The following NXPE3 variants were observed in gnomAD, a reference collection of about 807,000 sequenced individuals.
NXPE3 encodes neurexophilin and PC-esterase domain family member 3, also known as NXPE family member 3.
A neutral mutation model predicts 46.1 loss-of-function variants in NXPE3; 26 were observed. The ratio of observed to expected loss-of-function variants is 0.56; its 90% CI spans 0.41 to 0.78. NXPE3 has a LOEUF of 0.78. Ranked by LOEUF, NXPE3 falls within the 30% of genes least tolerant of loss-of-function variation. The pLI, the probability that NXPE3 is intolerant of heterozygous loss-of-function variation, is 0.00. For missense variants in NXPE3, 620 were observed against 686.0 expected, an observed-to-expected ratio of 0.90 and a Z score of 1.07; for synonymous variants, 272 against 257.9, an observed-to-expected ratio of 1.05 and a Z score of -0.52.
At chr3:101,804,657 A>T (rs538351362) in intron 5 of NXPE3, among the ~76,000 whole-genome samples, 10 of 151,878 alleles carry the variant, frequency 6.6e-5, no homozygotes, top group South Asian at 6.2e-4. Context: ...TTGAGCTGAT[A>T]TCCTTTTTTA....
intron 7 of NXPE3, among the ~76,000 whole-genome samples, chr3:101,820,914 C>T (rs1942217746): frequency 6.6e-6 from 1 of 152,112 alleles, no homozygotes. Context: ...GACAAGGTAA[C>T]TATTGGGTAC....
At chr3:101,803,214 C>T (rs983104507) in intron 5 of NXPE3, among the ~76,000 whole-genome samples, 8 of 152,096 alleles carry the variant, frequency 5.3e-5, no homozygotes, top group Non-Finnish European at 1.0e-4. Context: ...CCACTCATTA[C>T]CGTATGGGAG....
At position 101,782,292 on chromosome 3, in the gene NXPE3, T is replaced by C. The variant is rs1184920566; in HGVS notation, c.-317+2T>C. The stretch of plus-strand genomic sequence containing the variant: ...CTTCTTGGAAAATTTCCAAAAAAGG[T>C]AAATTACATTGAATTATATATTTTT... On this transcript the variant is annotated splice_donor_variant, in intron 2 of 7. Transcript: ENST00000273347. LOFTEE classifies it low-confidence loss of function (5UTR_SPLICE). 6.6e-6 allele frequency: 1 copy of C among 152,206 alleles called. No individual in the cohort carries two copies. Among genetic ancestry groups the C allele is most frequent in the Non-Finnish European group, 1.5e-5 (1 of 68,036 alleles). The allele number at this position is 152,206 out of a possible 1,614,324, so 9.4% of individuals were successfully genotyped here. A position where few individuals can be genotyped will look rare whatever the true frequency, so the allele number is the denominator to read the frequency against.
At chr3:101,799,613 A>G (rs1207520154) in intron 4 of NXPE3, among the ~76,000 whole-genome samples, 12 of 151,768 alleles carry the variant, frequency 7.9e-5, no homozygotes, top group African/African-American at 2.9e-4. Context: ...TTTAGTAGAG[A>G]TGGGGTTTCA....
rs771097346 is a variant in NXPE3 at position 101,802,007 on chromosome 3, T to C, written c.848+18T>C. 2 of 1,567,012 alleles carry C rather than the reference T, an allele frequency of 1.3e-6. No homozygotes were observed. The highest frequency in any genetic ancestry group is 3.8e-5 in the Admixed American group (2 of 52,106). ...TTCCAGAGGTATGTACTGCTTTTTCTTGGGGATGATTTGAAGAGTTCTTTT... is the reference window on the plus strand; with the variant it reads ...TTCCAGAGGTATGTACTGCTTTTTCCTGGGGATGATTTGAAGAGTTCTTTT... On this transcript the variant is annotated intron_variant, in intron 5 of 7. Coordinates refer to ENST00000273347, the MANE Select transcript of NXPE3 (RefSeq NM_145037.4).
rs1281262231 is a variant in NXPE3 at position 101,794,327 on chromosome 3, T to C, written c.94-6908T>C. 5.3e-5 allele frequency among the ~76,000 whole-genome samples: 8 copies of C among 152,180 alleles called. No homozygotes were observed. In the East Asian group the frequency reaches 1.5e-3, roughly 29 times the overall value. Reference sequence around the variant, plus strand: ...GTATATTGTGAGTATTCTTGTTATTTTATTAACTACATAGGAGGAGCCGTG... The same window carrying C: ...GTATATTGTGAGTATTCTTGTTATTCTATTAACTACATAGGAGGAGCCGTG... On this transcript the variant is annotated intron_variant, in intron 4 of 7. Transcript: ENST00000273347.
chr3:101,804,240 A>G (rs576374688), intron 5 of NXPE3, among the ~76,000 whole-genome samples: 3 of 152,356 alleles, frequency 2.0e-5, no homozygotes, highest in African/African-American at 7.2e-5. Flanking sequence ...AAATAGAGAA[A>G]GTTTAGAGAA....
intron 4 of NXPE3, among the ~76,000 whole-genome samples, chr3:101,793,405 A>AT (rs1940627502): frequency 6.6e-6 from 1 of 152,222 alleles, no homozygotes; most frequent in Admixed American, 6.5e-5. Flanking sequence ...TATTTAAAAC[A>AT]GGTTTCTTCT....
At chr3:101,818,107 A>G (rs1942049178) in intron 7 of NXPE3, among the ~76,000 whole-genome samples, 6 of 151,886 alleles carry the variant, frequency 4.0e-5, no homozygotes, top group Admixed American at 3.3e-4. Context: ...TGCTCAGGCT[A>G]GTCTCGAATT....
chr3:101,794,953 G>A (rs1053496235), intron 4 of NXPE3, among the ~76,000 whole-genome samples: 2 of 152,168 alleles, frequency 1.3e-5, no homozygotes, highest in African/African-American at 2.4e-5. Context: ...AATCAGATGC[G>A]TCTTTTAGTG....
intron 4 of NXPE3, among the ~76,000 whole-genome samples, chr3:101,787,258 C>CT (rs1940243841): frequency 6.6e-6 from 1 of 152,182 alleles, no homozygotes; most frequent in African/African-American, 2.4e-5. Context: ...CTTGACAACT[C>CT]TAAGTACCTT....
chr3:101,798,197 G>A (rs1223543067), intron 4 of NXPE3, among the ~76,000 whole-genome samples: 1 of 151,876 alleles, frequency 6.6e-6, no homozygotes, highest in African/African-American at 2.4e-5. Context: ...ATTTTTTCAT[G>A]TGTTTTTTGG....
chr3:101,784,236 C>A (rs1171975221), intron 3 of NXPE3, among the ~76,000 whole-genome samples: 3 of 151,880 alleles, frequency 2.0e-5, no homozygotes, highest in Non-Finnish European at 4.4e-5. Flanking sequence ...AAAATACAGT[C>A]ATAATTGGTA....
At chr3:101,813,446 T>G (rs1941816319) in intron 6 of NXPE3, among the ~76,000 whole-genome samples, 1 of 152,224 alleles carries the variant, frequency 6.6e-6, no homozygotes, top group African/African-American at 2.4e-5. Context: ...TTTTTCTCTT[T>G]CGTTTTGTTC....
rs1939663925 is a variant in NXPE3 at position 101,779,262 on chromosome 3, G to GCGAC, written c.-553_-550dup. The GCGAC allele has an allele frequency of 6.6e-6, 1 of 152,428 alleles. No homozygotes were observed. Among genetic ancestry groups the GCGAC allele is most frequent in the African/African-American group, 2.4e-5 (1 of 41,458 alleles). 9.4% of individuals were successfully genotyped at this position (152,428 alleles called of 1,614,324 possible). A position where few individuals can be genotyped will look rare whatever the true frequency, so the allele number is the denominator to read the frequency against. ...GGGGGGCTAGCGGCCTGGCGCTGCG[G>GCGAC]CGACCGACCGGGGCGTCAGGATCCC... On this transcript the variant is annotated 5_prime_UTR_variant, in exon 1 of 8. Coordinates refer to ENST00000273347, the MANE Select transcript of NXPE3 (RefSeq NM_145037.4).
Position 101,825,030 on chromosome 3 carries a change from T to C in NXPE3, c.*3076T>C, listed in dbSNP as rs1942430375. 6.6e-6 allele frequency: 1 copy of C among 152,212 alleles called. No individual in the cohort carries two copies. The highest frequency in any genetic ancestry group is 1.5e-5 in the Non-Finnish European group (1 of 68,032). 9.4% of individuals were successfully genotyped at this position (152,212 alleles called of 1,614,324 possible). ...TTTTAACAACTTTTAAGTTCAGGGG[T>C]ACATGTGCCAGTTTGTTTCATAGGT... On this transcript the variant is annotated 3_prime_UTR_variant, in exon 8 of 8. Coordinates refer to ENST00000273347, the MANE Select transcript of NXPE3 (RefSeq NM_145037.4).
chr3:101,818,519 A>T (rs560275343), intron 7 of NXPE3, among the ~76,000 whole-genome samples: 3 of 151,748 alleles, frequency 2.0e-5, no homozygotes, highest in Non-Finnish European at 4.4e-5. Flanking sequence ...CTTTACAGAC[A>T]TATCTTCACC....
At chr3:101,805,226 T>G (rs1941355993) in intron 5 of NXPE3, among the ~76,000 whole-genome samples, 1 of 152,214 alleles carries the variant, frequency 6.6e-6, no homozygotes, top group Non-Finnish European at 1.5e-5. Context: ...GTTATAGTAC[T>G]GTTATTTAAT....
chr3:101,780,975 T>A (rs1442108688), intron 1 of NXPE3, among the ~76,000 whole-genome samples: 1 of 152,216 alleles, frequency 6.6e-6, no homozygotes, highest in Non-Finnish European at 1.5e-5. Flanking sequence ...CCCATCATTG[T>A]TAGGGTCCTG....
Sources: allele counts gnomAD v4.1 joint callset (sites outside exome capture counted in the v4.1 genomes callset), GRCh38; gene constraint gnomAD v4.1.1; transcripts MANE v1.5; gene names NCBI Gene and HGNC (gene_info 2026-07-23, HGNC 2026-07-21).